The following ZNF385D variants were observed in gnomAD, a reference collection of about 807,000 sequenced individuals.
The protein encoded by ZNF385D is zinc finger protein 659.
A neutral mutation model predicts 35.8 loss-of-function variants in ZNF385D; 15 were observed. The ratio of observed to expected loss-of-function variants is 0.42; its 90% CI spans 0.28 to 0.64. The LOEUF (loss-of-function observed/expected upper bound fraction) is 0.64, where lower values mean the gene tolerates loss of function less well. ZNF385D is among the 30% of genes least tolerant of loss of function. ZNF385D has a pLI of 0.23. For missense variants in ZNF385D, 474 were observed against 494.6 expected (o/e 0.96, Z 0.39); for synonymous variants, 212 against 186.8 (o/e 1.13, Z -1.10).
chr3:21,997,872 CGTGTGTGTGTGTGTGTGTGT>C (rs751459423), intron 3 of ZNF385D, among the ~76,000 whole-genome samples: 3 of 90,144 alleles, frequency 3.3e-5, no homozygotes, highest in Non-Finnish European at 6.8e-5. Flanking sequence ...CGCGCGCGCG[CGTGTGTGTGTGTGTGTGTGT>C]GTGTGTGTGT....
chr3:21,955,751 G>A (rs896042770), intron 3 of ZNF385D, among the ~76,000 whole-genome samples: 1 of 152,152 alleles, frequency 6.6e-6, no homozygotes, highest in African/African-American at 2.4e-5. Context: ...AAGAGGGTTA[G>A]CTTCATCATT....
intron 3 of ZNF385D, among the ~76,000 whole-genome samples, chr3:21,911,007 A>G (rs555952032): frequency 3.3e-5 from 5 of 151,960 alleles, no homozygotes; most frequent in South Asian, 2.1e-4. Context: ...TGAAATGTAT[A>G]TATGTGGTTG....
intron 3 of ZNF385D, among the ~76,000 whole-genome samples, chr3:21,997,868 C>T (rs62248418): frequency 0.1 from 5,689 of 56,318 alleles, 307 homozygotes; most frequent in African/African-American, 0.35. Flanking sequence ...CGCGCGCGCG[C>T]GCGCGTGTGT....
chr3:22,174,006 T>A (rs1694644158), intron 2 of ZNF385D, among the ~76,000 whole-genome samples: 1 of 135,290 alleles, frequency 7.4e-6, no homozygotes, highest in Non-Finnish European at 1.6e-5. Context: ...CAATTAAGAT[T>A]ATAAGCCATT....
intron 3 of ZNF385D, among the ~76,000 whole-genome samples, chr3:22,027,250 T>C (rs1371338166): frequency 6.6e-6 from 1 of 152,198 alleles, no homozygotes; most frequent in Non-Finnish European, 1.5e-5. Context: ...AACACATTCC[T>C]CATTTGGGTG....
intron 2 of ZNF385D, among the ~76,000 whole-genome samples, chr3:22,365,252 ATATT>A (rs1696600628): frequency 6.6e-6 from 1 of 152,096 alleles, no homozygotes; most frequent in Admixed American, 6.6e-5. Context: ...CATATTATAT[ATATT>A]TATGACAAAA....
chr3:21,853,327 G>C (rs953712337), intron 3 of ZNF385D, among the ~76,000 whole-genome samples: 1 of 151,610 alleles, frequency 6.6e-6, no homozygotes, highest in Admixed American at 6.6e-5. Flanking sequence ...CCTGTATCGT[G>C]GTTTTAAAAC....
At chr3:22,370,299 A>G (rs943161554) in intron 2 of ZNF385D, among the ~76,000 whole-genome samples, 5 of 152,198 alleles carry the variant, frequency 3.3e-5, no homozygotes, top group African/African-American at 1.2e-4. Flanking sequence ...GATGTTATAA[A>G]TCACACATTG....
At chr3:22,015,290 T>C (rs1439363874) in intron 3 of ZNF385D, among the ~76,000 whole-genome samples, 3 of 152,168 alleles carry the variant, frequency 2.0e-5, no homozygotes, top group Non-Finnish European at 4.4e-5. Flanking sequence ...AACAGCTAAA[T>C]AGATTGCAAA....
At chr3:21,864,795 T>C in intron 3 of ZNF385D, among the ~76,000 whole-genome samples, 1 of 152,060 alleles carries the variant, frequency 6.6e-6, no homozygotes, top group East Asian at 1.9e-4. Flanking sequence ...CTAAGAGGTT[T>C]ACTATTCAAG....
intron 1 of ZNF385D, among the ~76,000 whole-genome samples, chr3:21,691,078 G>C (rs928969243): frequency 6.6e-6 from 1 of 151,924 alleles, no homozygotes; most frequent in Non-Finnish European, 1.5e-5. Context: ...TTCCGCTCTA[G>C]CCTGGACCAC....
At chr3:21,445,927 T>C (rs1013839697) in intron 4 of ZNF385D, among the ~76,000 whole-genome samples, 1 of 152,204 alleles carries the variant, frequency 6.6e-6, no homozygotes, top group Non-Finnish European at 1.5e-5. Context: ...TTATGCTCCT[T>C]TGGCTCTCAA....
At chr3:22,340,101 T>C (rs1407220242) in intron 2 of ZNF385D, among the ~76,000 whole-genome samples, 2 of 152,204 alleles carry the variant, frequency 1.3e-5, no homozygotes, top group Non-Finnish European at 2.9e-5. Context: ...TTAAGTATTA[T>C]CCATGAATGA....
intron 3 of ZNF385D, among the ~76,000 whole-genome samples, chr3:21,876,181 C>A (rs1349878007): frequency 6.7e-6 from 1 of 149,200 alleles, no homozygotes; most frequent in Admixed American, 6.7e-5. Context: ...AACAAACAAA[C>A]AAAAAACCTG....
chr3:21,949,559 T>TTCTTTC lies in ZNF385D; in HGVS notation c.325+219257_325+219258insGAAAGA, dbSNP rs1278843637. The stretch of plus-strand genomic sequence containing the variant: ...TTTCCTTCTTTTCTTTCTTTCTTTT[T>TTCTTTC]TTTTTTTTTTTAATACTTTTAAGTT... On this transcript the variant is annotated intron_variant, in intron 3 of 5. Transcript: ENST00000494108. 1.5e-4 allele frequency among the ~76,000 whole-genome samples: 18 copies of TTCTTTC among 123,416 alleles called. 1 individual carries two copies. The highest frequency in any genetic ancestry group is 4.0e-3 in the Middle Eastern group (1 of 252). The allele number at this position is 123,416 out of a possible 152,430, so 81.0% of individuals were successfully genotyped here. A position where few individuals can be genotyped will look rare whatever the true frequency, so the allele number is the denominator to read the frequency against.
intron 3 of ZNF385D, among the ~76,000 whole-genome samples, chr3:21,910,381 A>T (rs1699904159): frequency 6.6e-6 from 1 of 152,046 alleles, no homozygotes; most frequent in Non-Finnish European, 1.5e-5. Context: ...GAAATTTCTC[A>T]GCTGAACAAT....
chr3:22,294,951 A>C (rs1702489703), intron 2 of ZNF385D, among the ~76,000 whole-genome samples: 1 of 151,146 alleles, frequency 6.6e-6, no homozygotes, highest in African/African-American at 2.5e-5. Context: ...TTACAGGACC[A>C]GGGGTATAAC....
At chr3:21,488,924 T>TC (rs1705218507) in intron 4 of ZNF385D, among the ~76,000 whole-genome samples, 1 of 152,124 alleles carries the variant, frequency 6.6e-6, no homozygotes, top group Admixed American at 6.6e-5. Flanking sequence ...GGATTTCTAG[T>TC]CCCAGAGGAT....
intron 2 of ZNF385D, among the ~76,000 whole-genome samples, chr3:21,602,757 T>G (rs553798791): frequency 1.7e-4 from 26 of 151,084 alleles, no homozygotes; most frequent in Middle Eastern, 3.4e-3. Flanking sequence ...ATGGTCTCGA[T>G]CTCCTAACCT....
Sources: allele counts gnomAD v4.1 joint callset (sites outside exome capture counted in the v4.1 genomes callset), GRCh38; gene constraint gnomAD v4.1.1; transcripts MANE v1.5; gene names NCBI Gene and HGNC (gene_info 2026-07-23, HGNC 2026-07-21).